The following CNOT6L variants were observed in gnomAD, a reference collection of about 807,000 sequenced individuals.
CNOT6L encodes the protein CCR4-NOT transcription complex subunit 6 like, also known as CCR4-NOT transcription complex subunit 6-like.
In CNOT6L, 7 loss-of-function variants were observed where a neutral mutation model predicts 64.0. That is an observed-to-expected ratio of 0.11 (90% CI 0.06 to 0.21). CNOT6L has a LOEUF of 0.21. CNOT6L is among the 10% of genes least tolerant of loss of function. The pLI, the probability that CNOT6L is intolerant of heterozygous loss-of-function variation, is 1.00. For missense variants in CNOT6L, 245 were observed against 669.0 expected (o/e 0.37, Z 6.99); for synonymous variants, 193 against 243.4 (o/e 0.79, Z 1.93).
At chr4:77,790,571 G>A (rs546895095) in intron 1 of CNOT6L, among the ~76,000 whole-genome samples, 59 of 152,252 alleles carry the variant, frequency 3.9e-4, no homozygotes, top group Non-Finnish European at 7.9e-4. Flanking sequence ...TTGGCATTTG[G>A]TGTTGTCAGT....
chr4:77,791,965 A>C (rs12512665), intron 1 of CNOT6L, among the ~76,000 whole-genome samples: 8 of 152,190 alleles, frequency 5.3e-5, no homozygotes, highest in Admixed American at 5.2e-4. Flanking sequence ...AGGATACTTT[A>C]CACTGTATTT....
chr4:77,789,752 A>C (rs1022885069), intron 1 of CNOT6L, among the ~76,000 whole-genome samples: 1 of 151,938 alleles, frequency 6.6e-6, no homozygotes, highest in Non-Finnish European at 1.5e-5. Flanking sequence ...GGAGTTTGAG[A>C]CCAGCCTGGG....
At chr4:77,771,361 T>C (rs753664365) in intron 4 of CNOT6L, among the ~76,000 whole-genome samples, 5 of 152,156 alleles carry the variant, frequency 3.3e-5, no homozygotes, top group Admixed American at 6.5e-5. Context: ...TCATTTGTCA[T>C]TGATATGCTT....
chr4:77,814,883 T>G lies in CNOT6L; in HGVS notation c.5+4421A>C, dbSNP rs532188243. On this transcript the variant is annotated intron_variant, in intron 1 of 11. Transcript: ENST00000504123. ...AGTGATAAAATACCATTTACTGTAT[T>G]AGAGGTCCAGTGTCAGTGCAGTTAG... 7.4e-4 allele frequency among the ~76,000 whole-genome samples: 112 copies of G among 152,316 alleles called. 1 individual carries two copies. The highest frequency in any genetic ancestry group is 6.8e-3 in the Middle Eastern group (2 of 294).
At chr4:77,741,745 A>C (rs1302879396) in intron 8 of CNOT6L, among the ~76,000 whole-genome samples, 1 of 152,188 alleles carries the variant, frequency 6.6e-6, no homozygotes, top group African/African-American at 2.4e-5. Flanking sequence ...ATGATTTTAA[A>C]ATGAATGATT....
rs1720958128 is a variant in CNOT6L at position 77,718,307 on chromosome 4, C to G, written c.*2124G>C. On this transcript the variant is annotated 3_prime_UTR_variant, in exon 12 of 12. Transcript: ENST00000504123. Reference sequence around the variant, plus strand: ...AACAAAAGATCTAAAATAAAACATACAGTAGCTGATTACAAAAAAAGGTAA... The same window carrying G: ...AACAAAAGATCTAAAATAAAACATAGAGTAGCTGATTACAAAAAAAGGTAA... The G allele has an allele frequency of 1.3e-5, 2 of 152,500 alleles. No individual in the cohort carries two copies. The highest frequency in any genetic ancestry group is 2.9e-5 in the Non-Finnish European group (2 of 68,014). The allele number at this position is 152,500 out of a possible 1,614,324, so 9.4% of individuals were successfully genotyped here.
At chr4:77,799,986 T>C (rs1022034902) in intron 1 of CNOT6L, among the ~76,000 whole-genome samples, 1 of 152,122 alleles carries the variant, frequency 6.6e-6, no homozygotes, top group East Asian at 1.9e-4. Context: ...AATCCAAGAA[T>C]TGAGTATTTT....
intron 4 of CNOT6L, among the ~76,000 whole-genome samples, chr4:77,769,257 T>C (rs895928223): frequency 1.3e-5 from 2 of 152,128 alleles, no homozygotes; most frequent in Non-Finnish European, 2.9e-5. Flanking sequence ...TTCAGGGTAG[T>C]AGTAACATCT....
intron 8 of CNOT6L, among the ~76,000 whole-genome samples, chr4:77,738,557 C>T (rs1723223622): frequency 6.6e-6 from 1 of 151,992 alleles, no homozygotes. Context: ...AGTTTGAGAC[C>T]AGCCTGACCA....
chr4:77,751,803 G>A (rs1724893392), intron 5 of CNOT6L, among the ~76,000 whole-genome samples: 1 of 152,138 alleles, frequency 6.6e-6, no homozygotes, highest in South Asian at 2.1e-4. Flanking sequence ...CTATCCTTCA[G>A]AAATCAAGGG....
In CNOT6L at chr4:77,779,046, C is replaced by CAAAAAAAAAAAA. The variant is rs747920305; in HGVS notation, c.6-2666_6-2655dup. 7.2e-4 allele frequency among the ~76,000 whole-genome samples: 48 copies of CAAAAAAAAAAAA among 67,084 alleles called. 1 individual carries two copies. Among genetic ancestry groups the CAAAAAAAAAAAA allele is most frequent in the Non-Finnish European group, 8.7e-4 (31 of 35,552 alleles). The allele number at this position is 67,084 out of a possible 152,430, so 44.0% of individuals were successfully genotyped here. ...TAGGTGACAGAGCGAGACTCTGTCT[C>CAAAAAAAAAAAA]AAAAAAAAAAAAAAAACAAAAAAAA... On this transcript the variant is annotated intron_variant, in intron 1 of 11. Transcript: ENST00000504123.
At chr4:77,774,411 C>A (rs540673052) in intron 3 of CNOT6L, 119 bp downstream of exon 3, 1 of 785,354 alleles carries the variant, frequency 1.3e-6, no homozygotes, top group East Asian at 2.8e-5. Context: ...TATGCTTAGA[C>A]AGTTTATATA....
At chr4:77,779,720 G>A (rs894548559) in intron 1 of CNOT6L, among the ~76,000 whole-genome samples, 1 of 152,188 alleles carries the variant, frequency 6.6e-6, no homozygotes, top group Non-Finnish European at 1.5e-5. Context: ...CCAGCACTTT[G>A]GGAGGCCGAG....
intron 1 of CNOT6L, among the ~76,000 whole-genome samples, chr4:77,788,136 T>G (rs964816766): frequency 6.6e-6 from 1 of 152,224 alleles, no homozygotes; most frequent in Non-Finnish European, 1.5e-5. Context: ...ATTCCAAGAT[T>G]TAATGAATAT....
intron 5 of CNOT6L, among the ~76,000 whole-genome samples, chr4:77,754,767 A>T (rs1725267316): frequency 1.3e-5 from 2 of 151,890 alleles, no homozygotes; most frequent in African/African-American, 4.8e-5. Context: ...TTGACACCTG[A>T]TTTATGACAA....
intron 5 of CNOT6L, among the ~76,000 whole-genome samples, chr4:77,755,513 C>A (rs753753977): frequency 1.3e-5 from 2 of 151,808 alleles, no homozygotes; most frequent in Non-Finnish European, 2.9e-5. Context: ...CATGCCCGGC[C>A]GAGATATTTA....
chr4:77,730,067 C>T (rs1266070572), intron 9 of CNOT6L, among the ~76,000 whole-genome samples: 1 of 151,860 alleles, frequency 6.6e-6, no homozygotes, highest in African/African-American at 2.4e-5. Flanking sequence ...TTTAATTTTT[C>T]TTTTATAATT....
At chr4:77,784,116 CAT>C (rs1009399436) in intron 1 of CNOT6L, among the ~76,000 whole-genome samples, 1 of 152,000 alleles carries the variant, frequency 6.6e-6, no homozygotes, top group Non-Finnish European at 1.5e-5. Flanking sequence ...GCGATGAGGG[CAT>C]AGTCTAATCG....
intron 1 of CNOT6L, among the ~76,000 whole-genome samples, chr4:77,795,823 A>G (rs752304667): frequency 3.9e-5 from 6 of 152,208 alleles, no homozygotes; most frequent in Non-Finnish European, 8.8e-5. Context: ...CATTACTGAG[A>G]AAAATTAAAG....
Sources: allele counts gnomAD v4.1 joint callset (sites outside exome capture counted in the v4.1 genomes callset), GRCh38; gene constraint gnomAD v4.1.1; transcripts MANE v1.5; gene names NCBI Gene and HGNC (gene_info 2026-07-23, HGNC 2026-07-21).